The following PTPRD variants were observed in gnomAD, a reference collection of about 807,000 sequenced individuals.
The protein encoded by PTPRD is protein tyrosine phosphatase receptor type D, also known as receptor-type tyrosine-protein phosphatase delta.
PTPRD carries 34 observed loss-of-function variants against 214.5 expected under a neutral mutation model. That is an observed-to-expected ratio of 0.16 (90% CI 0.12 to 0.21). PTPRD has a LOEUF of 0.21. Ranked by LOEUF, PTPRD falls within the 10% of genes least tolerant of loss-of-function variation. The pLI is 1.00. For missense variants in PTPRD, 2,545 were observed against 2,398.7 expected, an observed-to-expected ratio of 1.06 and a Z score of -1.27; for synonymous variants, 1,128 against 845.7, an observed-to-expected ratio of 1.33 and a Z score of -5.79.
chr9:8,901,062 G>A (rs1205991490), intron 11 of PTPRD, among the ~76,000 whole-genome samples: 1 of 152,164 alleles, frequency 6.6e-6, no homozygotes, highest in Admixed American at 6.5e-5. Flanking sequence ...ACAGTATCAG[G>A]ACACATGCAA....
chr9:10,416,841 T>C (rs1209373706), intron 2 of PTPRD, among the ~76,000 whole-genome samples: 1 of 151,972 alleles, frequency 6.6e-6, no homozygotes, highest in African/African-American at 2.4e-5. Context: ...GTTATAATAG[T>C]GTAGAATTGA....
intron 7 of PTPRD, among the ~76,000 whole-genome samples, chr9:9,665,421 A>G (rs1213501425): frequency 1.3e-5 from 2 of 151,860 alleles, no homozygotes; most frequent in Non-Finnish European, 3.0e-5. Context: ...CAAAACTTAT[A>G]AATGCTCACT....
chr9:9,812,745 AG>A (rs1170386106), intron 5 of PTPRD, among the ~76,000 whole-genome samples: 1 of 152,160 alleles, frequency 6.6e-6, no homozygotes, highest in Non-Finnish European at 1.5e-5. Flanking sequence ...AAAATCAATA[AG>A]GAAACAGCAG....
intron 7 of PTPRD, among the ~76,000 whole-genome samples, chr9:9,724,391 T>C (rs1218373467): frequency 6.6e-6 from 1 of 152,186 alleles, no homozygotes; most frequent in Non-Finnish European, 1.5e-5. Context: ...GTGTTCAAGT[T>C]GTGTGCTTAA....
chr9:9,512,650 T>G (rs1199353066), intron 8 of PTPRD, among the ~76,000 whole-genome samples: 1 of 151,734 alleles, frequency 6.6e-6, no homozygotes, highest in Non-Finnish European at 1.5e-5. Context: ...TCACAGGAGA[T>G]TCTTTCTTAA....
chr9:10,592,332 G>C (rs1485756183), intron 2 of PTPRD, among the ~76,000 whole-genome samples: 1 of 152,016 alleles, frequency 6.6e-6, no homozygotes, highest in Non-Finnish European at 1.5e-5. Context: ...TACCCTTTGG[G>C]TAAACTTACT....
At chr9:10,294,448 G>C (rs1456933537) in intron 3 of PTPRD, among the ~76,000 whole-genome samples, 2 of 151,842 alleles carry the variant, frequency 1.3e-5, no homozygotes, top group African/African-American at 4.8e-5. Context: ...TCCACAATTT[G>C]GACAATGACT....
chr9:9,953,415 A>G (rs1587035370), intron 4 of PTPRD, among the ~76,000 whole-genome samples: 1 of 152,084 alleles, frequency 6.6e-6, no homozygotes, highest in African/African-American at 2.4e-5. Flanking sequence ...TATAGAATTC[A>G]ACCATGTAAT....
At chr9:8,559,694 G>C (rs2141194747) in intron 14 of PTPRD, among the ~76,000 whole-genome samples, 1 of 152,256 alleles carries the variant, frequency 6.6e-6, no homozygotes, top group African/African-American at 2.4e-5. Context: ...TATCAAGTGG[G>C]GCTGCAAAAG....
At chr9:9,934,640 C>G (rs1423810878) in intron 5 of PTPRD, among the ~76,000 whole-genome samples, 1 of 149,802 alleles carries the variant, frequency 6.7e-6, no homozygotes, top group Non-Finnish European at 1.5e-5. Context: ...TGAATTCTCG[C>G]AGAGGTACAA....
chr9:9,327,789 A>C (rs1381996925), intron 9 of PTPRD, among the ~76,000 whole-genome samples: 1 of 152,094 alleles, frequency 6.6e-6, no homozygotes, highest in African/African-American at 2.4e-5. Flanking sequence ...CATAAAATGT[A>C]TGATAGCATG....
At chr9:8,331,446 A>ATCAATCCTGCTTTAAGTTT (rs1840946885) in intron 44 of PTPRD, 136 bp downstream of exon 44, 9 of 1,012,170 alleles carry the variant, frequency 8.9e-6, no homozygotes, top group Non-Finnish European at 1.3e-5. Flanking sequence ...AGAAAGAGAA[A>ATCAATCCTGCTTTAAGTTT]TCAATCCTGC....
chr9:8,886,288 A>G (rs1242261546), intron 11 of PTPRD, among the ~76,000 whole-genome samples: 1 of 152,194 alleles, frequency 6.6e-6, no homozygotes, highest in Admixed American at 6.5e-5. Context: ...ATGGTATTTC[A>G]CTAACTATGT....
At chr9:9,113,204 G>A (rs1591821926) in intron 10 of PTPRD, among the ~76,000 whole-genome samples, 1 of 151,772 alleles carries the variant, frequency 6.6e-6, no homozygotes, top group East Asian at 1.9e-4. Flanking sequence ...TCAAATCCTG[G>A]GCTGAAGTTA....
rs184274626 is a variant in PTPRD, at chr9:8,427,632, A to G, written c.4086+8960T>C. Reference sequence around the variant, plus strand: ...GATAATTGCACTGGTTTAAACTAGCAAGTTTCCATTTCTTTCAGTCTTTTA... The same window carrying G: ...GATAATTGCACTGGTTTAAACTAGCGAGTTTCCATTTCTTTCAGTCTTTTA... On this transcript the variant is annotated intron_variant, in intron 35 of 45. Coordinates refer to ENST00000381196, the MANE Select transcript of PTPRD (RefSeq NM_002839.4). 9.1e-4 allele frequency among the ~76,000 whole-genome samples: 138 copies of G among 152,148 alleles called. 1 individual carries two copies. Among genetic ancestry groups the G allele is most frequent in the Admixed American group, 8.2e-3 (126 of 15,280 alleles).
At chr9:10,483,832 G>A (rs2099115611) in intron 2 of PTPRD, among the ~76,000 whole-genome samples, 1 of 152,114 alleles carries the variant, frequency 6.6e-6, no homozygotes, top group South Asian at 2.1e-4. Flanking sequence ...CGGTGAGAAT[G>A]TAAATTAATA....
At chr9:10,387,522 G>C (rs139903798) in intron 2 of PTPRD, among the ~76,000 whole-genome samples, 3 of 151,902 alleles carry the variant, frequency 2.0e-5, no homozygotes, top group Middle Eastern at 3.4e-3. Flanking sequence ...TCTGGCAATG[G>C]ACCTGGCCTC....
intron 9 of PTPRD, among the ~76,000 whole-genome samples, chr9:9,221,049 G>C (rs536407450): frequency 8.5e-5 from 13 of 152,180 alleles, no homozygotes; most frequent in Non-Finnish European, 1.5e-5. Context: ...GAAATATCGG[G>C]TGTGAAGACA....
chr9:9,300,318 A>G (rs1480099623), intron 9 of PTPRD, among the ~76,000 whole-genome samples: 1 of 151,678 alleles, frequency 6.6e-6, no homozygotes, highest in Non-Finnish European at 1.5e-5. Flanking sequence ...TTTGTATCTT[A>G]AGCTCCTCCT....
Sources: allele counts gnomAD v4.1 joint callset (sites outside exome capture counted in the v4.1 genomes callset), GRCh38; gene constraint gnomAD v4.1.1; transcripts MANE v1.5; gene names NCBI Gene and HGNC (gene_info 2026-07-23, HGNC 2026-07-21).